ARB2A: variants seen among roughly 807,000 people sequenced by gnomAD.
ARB2A encodes the protein cotranscriptional regulator ARB2A.
chr5:93,870,729 G>A, the ARB2A span, among the ~76,000 whole-genome samples: 1 of 152,140 alleles, frequency 6.6e-6, no homozygotes, highest in Non-Finnish European at 1.5e-5. Flanking sequence ...TGCCACATAA[G>A]GGGGGGTGGA....
At chr5:93,643,381 T>C in the ARB2A span, among the ~76,000 whole-genome samples, 2 of 152,266 alleles carry the variant, frequency 1.3e-5, no homozygotes, top group Non-Finnish European at 2.9e-5. Context: ...TATGAATCAA[T>C]AGATTACAGA....
chr5:93,853,847 G>A, the ARB2A span, among the ~76,000 whole-genome samples: 10 of 152,094 alleles, frequency 6.6e-5, no homozygotes, highest in African/African-American at 2.4e-4. Context: ...ATGTGCTGCT[G>A]GATTCAGTTT....
At chr5:94,050,600 A>C in the ARB2A span, 3 of 700,840 alleles carry the variant, frequency 4.3e-6, no homozygotes, top group East Asian at 5.7e-5. Flanking sequence ...AAAGGAACAA[A>C]AAAAAAAAAC....
the ARB2A span, among the ~76,000 whole-genome samples, chr5:94,005,124 G>A: frequency 6.7e-6 from 1 of 150,222 alleles, no homozygotes; most frequent in African/African-American, 2.4e-5. Flanking sequence ...AAAAAAATAG[G>A]CAGAGTATCA....
At chr5:93,949,756 A>T in the ARB2A span, among the ~76,000 whole-genome samples, 1 of 151,976 alleles carries the variant, frequency 6.6e-6, no homozygotes, top group Admixed American at 6.6e-5. Context: ...ATCTCACTAT[A>T]GCTTTGTACC....
At chr5:94,088,552 G>A in the ARB2A span, among the ~76,000 whole-genome samples, 2 of 152,062 alleles carry the variant, frequency 1.3e-5, no homozygotes, top group African/African-American at 2.4e-5. Flanking sequence ...GCATTGGCAT[G>A]TGCTTGTAGT....
At chr5:93,890,499 C>T in the ARB2A span, among the ~76,000 whole-genome samples, 5 of 151,514 alleles carry the variant, frequency 3.3e-5, no homozygotes, top group African/African-American at 1.2e-4. Context: ...ATTAGGTAAT[C>T]CTAATTTTAA....
chr5:93,756,946 G>C, the ARB2A span, among the ~76,000 whole-genome samples: 1 of 152,088 alleles, frequency 6.6e-6, no homozygotes, highest in South Asian at 2.1e-4. Context: ...CCAGAGAAAG[G>C]CGAAGTCCAA....
the ARB2A span, chr5:93,964,562 A>C: frequency 2.1e-6 from 3 of 1,430,290 alleles, no homozygotes; most frequent in Non-Finnish European, 2.9e-6. Context: ...ATCCAATGTC[A>C]TCCATTATCA....
the ARB2A span, chr5:93,964,626 C>T: frequency 4.3e-6 from 3 of 702,680 alleles, no homozygotes; most frequent in South Asian, 5.9e-5. Flanking sequence ...GAGTAAATAT[C>T]TCTTCATCTT....
chr5:93,900,974 T>C, the ARB2A span, among the ~76,000 whole-genome samples: 1 of 152,192 alleles, frequency 6.6e-6, no homozygotes, highest in Non-Finnish European at 1.5e-5. Flanking sequence ...CTTAGGTTTA[T>C]GTCATATTCC....
the ARB2A span, among the ~76,000 whole-genome samples, chr5:93,950,557 C>A: frequency 2.0e-5 from 3 of 151,926 alleles, no homozygotes; most frequent in Non-Finnish European, 4.4e-5. Context: ...GCATGAGAAT[C>A]GCTTGAACAT....
At chr5:93,837,102 T>A in the ARB2A span, among the ~76,000 whole-genome samples, 2 of 152,156 alleles carry the variant, frequency 1.3e-5, no homozygotes, top group Non-Finnish European at 2.9e-5. Flanking sequence ...TAGTACCCAA[T>A]AGGTATGTTT....
the ARB2A span, among the ~76,000 whole-genome samples, chr5:93,721,813 T>G: frequency 6.6e-6 from 1 of 152,104 alleles, no homozygotes; most frequent in South Asian, 2.1e-4. Flanking sequence ...TAAACCACAA[T>G]AAATAGATAA....
the ARB2A span, among the ~76,000 whole-genome samples, chr5:93,706,767 G>A: frequency 5.3e-5 from 8 of 151,890 alleles, no homozygotes; most frequent in Non-Finnish European, 1.5e-5. Flanking sequence ...TCGGGAGGCT[G>A]AGGCAGGGGA....
At chr5:93,688,033 G>C in the ARB2A span, among the ~76,000 whole-genome samples, 1 of 151,768 alleles carries the variant, frequency 6.6e-6, no homozygotes, top group Non-Finnish European at 1.5e-5. Flanking sequence ...GAGTGCAGTG[G>C]CATGATCTTG....
At chr5:93,671,536 A>G in the ARB2A span, among the ~76,000 whole-genome samples, 1 of 152,108 alleles carries the variant, frequency 6.6e-6, no homozygotes, top group Non-Finnish European at 1.5e-5. Flanking sequence ...TGATTAATAA[A>G]AAGTAGGATT....
the ARB2A span, among the ~76,000 whole-genome samples, chr5:93,802,922 C>G: frequency 1.4e-3 from 211 of 152,074 alleles, 1 homozygote; most frequent in Non-Finnish European, 5.0e-4. Context: ...ACAAAAACCC[C>G]CTTCTTACAT....
At chr5:94,052,784 T>C in the ARB2A span, among the ~76,000 whole-genome samples, 1 of 152,320 alleles carries the variant, frequency 6.6e-6, no homozygotes, top group East Asian at 1.9e-4. Context: ...AGTAGCATCT[T>C]TCTCTATAAT....
Sources: gnomAD v4.1 joint callset for allele counts (sites outside exome capture counted in the v4.1 genomes callset) on GRCh38, gnomAD v4.1.1 for gene constraint, MANE v1.5 for transcripts, NCBI Gene and HGNC (gene_info 2026-07-23, HGNC 2026-07-21) for gene names.